The following TGFBR2 variants were observed in gnomAD, a reference collection of about 807,000 sequenced individuals.
TGFBR2 encodes the protein TGF-beta receptor type-2.
A neutral mutation model predicts 49.0 loss-of-function variants in TGFBR2; 18 were observed. The observed-to-expected ratio is 0.37, with a 90% CI of 0.25 to 0.54. The LOEUF (loss-of-function observed/expected upper bound fraction) is 0.54, where lower values mean the gene tolerates loss of function less well. Among genes scored for constraint, TGFBR2 ranks in the 20% least tolerant of loss-of-function variants. TGFBR2 has a pLI of 0.85. For missense variants in TGFBR2, 525 were observed against 722.6 expected (o/e 0.73, Z 3.13); for synonymous variants, 282 against 275.9 (o/e 1.02, Z -0.22).
intron 5 of TGFBR2, among the ~76,000 whole-genome samples, chr3:30,680,750 A>C (rs1266864061): frequency 1.3e-5 from 2 of 152,130 alleles, no homozygotes; most frequent in Non-Finnish European, 2.9e-5. Context: ...AGACAAGAGG[A>C]GGTGATTGGT....
At chr3:30,657,373 A>G (rs1406654432) in intron 3 of TGFBR2, among the ~76,000 whole-genome samples, 1 of 152,136 alleles carries the variant, frequency 6.6e-6, no homozygotes, top group Non-Finnish European at 1.5e-5. Context: ...GTGAGAAATG[A>G]TGTGTATAAA....
chr3:30,608,656 G>A (rs1697980721), intron 1 of TGFBR2, among the ~76,000 whole-genome samples: 1 of 152,178 alleles, frequency 6.6e-6, no homozygotes, highest in Non-Finnish European at 1.5e-5. Context: ...GGCATACATT[G>A]AAGGTGGCAT....
rs1281165761 is a variant in TGFBR2 at position 30,690,646 on chromosome 3, A to G, written c.1525-774A>G. On this transcript the variant is annotated intron_variant, in intron 6 of 6. Transcript: ENST00000295754. ...GCCCTGTTAAAATAGAACAGTGTAT[A>G]TGACCCAACTATATGACACTCTGGA... 3.9e-5 allele frequency among the ~76,000 whole-genome samples: 6 copies of G among 152,228 alleles called. No homozygotes were observed. In the East Asian group the frequency reaches 7.7e-4, roughly 20 times the overall value.
intron 3 of TGFBR2, among the ~76,000 whole-genome samples, chr3:30,656,500 G>C (rs1699002723): frequency 6.6e-6 from 1 of 152,210 alleles, no homozygotes; most frequent in South Asian, 2.1e-4. Flanking sequence ...ATGTTTGGTG[G>C]CCTTGGAAAG....
rs754370908 is a variant in TGFBR2, at chr3:30,644,878, A to C, written c.226A>C (p.Ile76Leu). The change falls in exon 2 of 7, where the codon ATC (isoleucine) becomes CTC (leucine). Residue 76 changes from isoleucine (I) to leucine (L), a missense_variant. This residue lies in a region of TGFBR2 where 376 missense variants were observed against 478.2 expected (regional missense o/e 0.79). Transcript: ENST00000295754. ...CATGAGCAACTGCAGCATCACCTCCATCTGTGAGAAGCCACAGGAAGTCTG... is the reference window on the plus strand; with the variant it reads ...CATGAGCAACTGCAGCATCACCTCCCTCTGTGAGAAGCCACAGGAAGTCTG... ...SCMSNCSITS[I>L]CEKPQEVCVA... 3 of 1,614,040 alleles carry C rather than the reference A, an allele frequency of 1.9e-6. No individual in the cohort carries two copies. Among genetic ancestry groups the C allele is most frequent in the South Asian group, 2.2e-5 (2 of 91,086 alleles).
chr3:30,625,162 A>G (rs1698309479), intron 1 of TGFBR2, among the ~76,000 whole-genome samples: 1 of 152,218 alleles, frequency 6.6e-6, no homozygotes, highest in Admixed American at 6.5e-5. Flanking sequence ...TCAAATTTTG[A>G]ACATATTAAA....
At position 30,671,464 on chromosome 3, in the gene TGFBR2, AG is replaced by A. The variant is rs1267105579; in HGVS notation, c.455-171del. 2.6e-5 allele frequency among the ~76,000 whole-genome samples: 4 copies of A among 152,386 alleles called. No homozygotes were observed. The East Asian group carries it at 7.7e-4, about 29-fold the overall frequency. The stretch of plus-strand genomic sequence containing the variant: ...GGATGACGAACAGATGGCCAGAGGC[AG>A]GGAAGGCTGAACGAGCATGCACTTG... On this transcript the variant is annotated intron_variant, in intron 3 of 6. Coordinates refer to ENST00000295754, the MANE Select transcript of TGFBR2 (RefSeq NM_003242.6).
At chr3:30,689,030 G>T (rs1045634309) in intron 6 of TGFBR2, among the ~76,000 whole-genome samples, 1 of 152,184 alleles carries the variant, frequency 6.6e-6, no homozygotes, top group East Asian at 1.9e-4. Flanking sequence ...GTGAGCACGC[G>T]TGGGAAAGAG....
intron 1 of TGFBR2, among the ~76,000 whole-genome samples, chr3:30,612,803 G>A (rs1698053257): frequency 6.6e-6 from 1 of 152,166 alleles, no homozygotes; most frequent in Non-Finnish European, 1.5e-5. Context: ...TAACAAAGAA[G>A]AAGGGGACAG....
intron 1 of TGFBR2, among the ~76,000 whole-genome samples, chr3:30,609,545 T>C (rs982627524): frequency 6.6e-6 from 1 of 152,234 alleles, no homozygotes; most frequent in Middle Eastern, 3.4e-3. Flanking sequence ...TTTTTCTTCG[T>C]TTTTGACTTA....
chr3:30,659,817 A>G (rs1264905432), intron 3 of TGFBR2, among the ~76,000 whole-genome samples: 1 of 151,874 alleles, frequency 6.6e-6, no homozygotes, highest in Non-Finnish European at 1.5e-5. Context: ...CTCCACACCC[A>G]TGAGTAATGG....
chr3:30,685,437 G>A (rs1699603947), intron 5 of TGFBR2, among the ~76,000 whole-genome samples: 1 of 152,196 alleles, frequency 6.6e-6, no homozygotes. Context: ...TTTACTAGAA[G>A]TGGAGTCTGA....
At chr3:30,621,804 T>C (rs751423204) in intron 1 of TGFBR2, among the ~76,000 whole-genome samples, 17 of 152,194 alleles carry the variant, frequency 1.1e-4, no homozygotes, top group Non-Finnish European at 2.1e-4. Flanking sequence ...CTCTTGAGTA[T>C]TGGTTGTTAT....
chr3:30,638,457 T>C (rs573424775), intron 1 of TGFBR2, among the ~76,000 whole-genome samples: 1 of 152,188 alleles, frequency 6.6e-6, no homozygotes, highest in Non-Finnish European at 1.5e-5. Flanking sequence ...TGATGGTATC[T>C]CTAGTATTGA....
In TGFBR2 at chr3:30,659,536, AT is replaced by A. The variant is rs774359527; in HGVS notation, c.454+9087del. On this transcript the variant is annotated intron_variant, in intron 3 of 6. Coordinates refer to ENST00000295754, the MANE Select transcript of TGFBR2 (RefSeq NM_003242.6). ...AGGCAAAAGCAACTCGCTTTTCAAG[AT>A]TTTTTTTTTTCCTAAGTAGCAAAGT... is the stretch of plus-strand genomic sequence containing the variant. Among the ~76,000 whole-genome samples the A allele has an allele frequency of 9.9e-4, 147 of 148,368 alleles. 1 individual carries two copies. Among genetic ancestry groups the A allele is most frequent in the East Asian group, 9.4e-3 (48 of 5,088 alleles).
At chr3:30,688,099 A>G (rs1432240484) in intron 5 of TGFBR2, among the ~76,000 whole-genome samples, 1 of 152,194 alleles carries the variant, frequency 6.6e-6, no homozygotes, top group Non-Finnish European at 1.5e-5. Flanking sequence ...TTAAAACCTA[A>G]GCTCCGTGAC....
intron 6 of TGFBR2, among the ~76,000 whole-genome samples, chr3:30,689,498 A>G (rs1387139650): frequency 6.6e-6 from 1 of 152,250 alleles, no homozygotes; most frequent in Non-Finnish European, 1.5e-5. Flanking sequence ...CAGATAAGAA[A>G]CAGAAACAAC....
At chr3:30,691,323 T>C in intron 6 of TGFBR2, 97 bp from the exon 7 acceptor site, 1 of 1,391,358 alleles carries the variant, frequency 7.2e-7, no homozygotes, top group Middle Eastern at 2.0e-4. Context: ...TTTTGGACCC[T>C]GCTTGCACTC....
intron 6 of TGFBR2, 53 bp from the exon 7 acceptor site, chr3:30,691,367 T>A: frequency 6.2e-7 from 1 of 1,603,772 alleles, no homozygotes; most frequent in South Asian, 1.1e-5. Flanking sequence ...CCACCTTGCC[T>A]TCCGCGGAGC....
Sources: gnomAD v4.1 joint callset for allele counts (sites outside exome capture counted in the v4.1 genomes callset) on GRCh38, gnomAD v4.1.1 for gene constraint, gnomAD v4.1.1 regional missense constraint, MANE v1.5 for transcripts, NCBI Gene and HGNC (gene_info 2026-07-23, HGNC 2026-07-21) for gene names.